ADGRG6: variants seen among roughly 807,000 people sequenced by gnomAD.
ADGRG6 encodes G-protein coupled receptor 126.
Under a neutral mutation model 142.4 loss-of-function variants are expected in ADGRG6, and 84 were observed. The ratio of observed to expected loss-of-function variants is 0.59; its 90% CI spans 0.49 to 0.71. ADGRG6 has a LOEUF of 0.71. ADGRG6 is among the 30% of genes least tolerant of loss of function. The probability of loss-of-function intolerance (pLI) is 0.00; values close to 1 mark genes in which losing one functional copy is unlikely to be tolerated. For synonymous variants in ADGRG6, 521 were observed against 520.5 expected (o/e 1.00, Z -0.01); for missense variants, 1,367 against 1,466.6 (o/e 0.93, Z 1.11).
rs368055709 is a variant in ADGRG6, at chr6:142,437,391, A to T, written c.3320-43A>T. ...TATTTTATAAGATTTCTCTTTAAAGATGTGTCAGTTGGCTTAAATATTTAT... is the reference window on the plus strand; with the variant it reads ...TATTTTATAAGATTTCTCTTTAAAGTTGTGTCAGTTGGCTTAAATATTTAT... On this transcript the variant is annotated intron_variant, in intron 22 of 24. Transcript: ENST00000367609. 5.8e-6 allele frequency: 5 copies of T among 868,698 alleles called. No individual in the cohort carries two copies. In the African/African-American group the frequency reaches 6.7e-5, roughly 12 times the overall value. The allele number at this position is 868,698 out of a possible 1,614,324, so 53.8% of individuals were successfully genotyped here. A position where few individuals can be genotyped will look rare whatever the true frequency, so the allele number is the denominator to read the frequency against.
chr6:142,338,235 C>T (rs989324271), intron 2 of ADGRG6, among the ~76,000 whole-genome samples: 1 of 150,736 alleles, frequency 6.6e-6, no homozygotes, highest in African/African-American at 2.4e-5. Context: ...GTCTCGATCT[C>T]CTGACCTCGT....
rs1485773311 is a variant in ADGRG6 at position 142,424,862 on chromosome 6, G to A, written c.3319+4758G>A. On this transcript the variant is annotated intron_variant, in intron 22 of 24. Transcript: ENST00000367609. ...TGCTCTATAGAAATTACCTTGTGAC[G>A]TTGAGAATGTGTTACAAAAAAACAT... Among the ~76,000 whole-genome samples, 8 of 152,184 alleles carry A rather than the reference G, an allele frequency of 5.3e-5. No individual in the cohort carries two copies. The South Asian group carries it at 8.3e-4, about 16-fold the overall frequency.
chr6:142,371,767 G>A (rs1050765448), intron 4 of ADGRG6, among the ~76,000 whole-genome samples: 3 of 152,130 alleles, frequency 2.0e-5, no homozygotes, highest in Non-Finnish European at 4.4e-5. Flanking sequence ...TTACAGGCAT[G>A]AGCCACCGTG....
chr6:142,302,495 C>T, intron 1 of ADGRG6, 164 bp downstream of exon 1: 1 of 672,832 alleles, frequency 1.5e-6, no homozygotes, highest in Non-Finnish European at 2.5e-6. Flanking sequence ...CCTCGAGGCA[C>T]TGAGGAGTAG....
chr6:142,313,467 C>T (rs933410366), intron 2 of ADGRG6, among the ~76,000 whole-genome samples: 3 of 152,134 alleles, frequency 2.0e-5, no homozygotes, highest in African/African-American at 7.2e-5. Flanking sequence ...TCGTCTTAGT[C>T]ATGAGCAGTG....
intron 1 of ADGRG6, among the ~76,000 whole-genome samples, chr6:142,306,512 A>G (rs775866242): frequency 1.4e-4 from 21 of 152,146 alleles, no homozygotes; most frequent in Non-Finnish European, 2.9e-5. Context: ...ATCTTGGGCA[A>G]GTAGTTTAGT....
rs115459615 is a variant in ADGRG6, at chr6:142,306,621, G to A, written c.3-2923G>A. Among the ~76,000 whole-genome samples, 826 of 152,116 alleles carry A rather than the reference G, an allele frequency of 5.4e-3. 6 individuals carry two copies. The highest frequency in any genetic ancestry group is 0.019 in the African/African-American group (790 of 41,524). On this transcript the variant is annotated intron_variant, in intron 1 of 24. Coordinates refer to ENST00000367609, the MANE Select transcript of ADGRG6 (RefSeq NM_198569.3). ...TATGACTGTCTTTTACTTAAAAAAT[G>A]TTCCTGCTGTCTTCAGTAGAACTTT...
chr6:142,438,446 A>G (rs1440046262), intron 24 of ADGRG6, 82 bp downstream of exon 24: 4 of 870,344 alleles, frequency 4.6e-6, no homozygotes, highest in Non-Finnish European at 5.3e-6. Context: ...TTGATAAATC[A>G]CAGTGCCTAA....
At chr6:142,312,272 A>G (rs963014243) in intron 2 of ADGRG6, among the ~76,000 whole-genome samples, 1 of 152,078 alleles carries the variant, frequency 6.6e-6, no homozygotes, top group African/African-American at 2.4e-5. Flanking sequence ...AATAACATCC[A>G]TAGTTTAATT....
chr6:142,316,438 A>AT (rs1778073653), intron 2 of ADGRG6, among the ~76,000 whole-genome samples: 1 of 152,172 alleles, frequency 6.6e-6, no homozygotes, highest in Admixed American at 6.5e-5. Context: ...TAATTTTTGC[A>AT]AACAGAAGGA....
chr6:142,397,499 T>C, intron 9 of ADGRG6, 114 bp from the exon 10 acceptor site: 2 of 853,778 alleles, frequency 2.3e-6, no homozygotes, highest in Non-Finnish European at 1.9e-6. Context: ...GGCTAATCTC[T>C]TCAGTCTCAA....
intron 2 of ADGRG6, among the ~76,000 whole-genome samples, chr6:142,349,327 G>C (rs1049296145): frequency 1.3e-5 from 2 of 152,230 alleles, no homozygotes; most frequent in African/African-American, 2.4e-5. Flanking sequence ...GAATGGGGCA[G>C]AGGAAGAAGT....
intron 2 of ADGRG6, among the ~76,000 whole-genome samples, chr6:142,325,647 T>C (rs975954775): frequency 1.8e-4 from 27 of 152,142 alleles, no homozygotes; most frequent in African/African-American, 5.5e-4. Flanking sequence ...TCAAAATACC[T>C]GTAACCATAG....
Position 142,404,879 on chromosome 6 carries a change from T to G in ADGRG6, c.2128-809T>G, listed in dbSNP as rs141563437. Among the ~76,000 whole-genome samples the G allele has an allele frequency of 9.5e-4, 144 of 152,266 alleles. 2 individuals carry two copies. The East Asian group carries it at 0.027, about 28-fold the overall frequency. On this transcript the variant is annotated intron_variant, in intron 14 of 24. Coordinates refer to ENST00000367609, the MANE Select transcript of ADGRG6 (RefSeq NM_198569.3). ...GCTGGACACATAAGCTGGGGCTGGA[T>G]TAATGGAGAACCTTTTCAACATGTT...
chr6:142,331,774 G>A (rs1199695045), intron 2 of ADGRG6, among the ~76,000 whole-genome samples: 2 of 152,000 alleles, frequency 1.3e-5, no homozygotes, highest in Non-Finnish European at 2.9e-5. Context: ...AGGAAAATAC[G>A]TGTCACTGCT....
At chr6:142,341,586 AATATT>A (rs1372644006) in intron 2 of ADGRG6, among the ~76,000 whole-genome samples, 1 of 122,652 alleles carries the variant, frequency 8.2e-6, no homozygotes, top group African/African-American at 3.4e-5. Flanking sequence ...TAGTATATAT[AATATT>A]ATATATTATA....
chr6:142,325,712 T>C (rs1778742268), intron 2 of ADGRG6, among the ~76,000 whole-genome samples: 1 of 152,112 alleles, frequency 6.6e-6, no homozygotes, highest in Non-Finnish European at 1.5e-5. Flanking sequence ...TTTACTAATT[T>C]ATCTGATATG....
chr6:142,365,962 AT>A (rs547626175), intron 2 of ADGRG6, among the ~76,000 whole-genome samples: 37 of 152,316 alleles, frequency 2.4e-4, no homozygotes, highest in African/African-American at 7.7e-4. Flanking sequence ...TTTCATTAAT[AT>A]TTTTTAAGTA....
intron 2 of ADGRG6, among the ~76,000 whole-genome samples, chr6:142,335,566 C>T (rs756440017): frequency 6.6e-6 from 1 of 152,068 alleles, no homozygotes; most frequent in Non-Finnish European, 1.5e-5. Context: ...TTGTCTTGTC[C>T]ACTGGTGTCC....
Sources: gnomAD v4.1 joint callset for allele counts (sites outside exome capture counted in the v4.1 genomes callset) on GRCh38, gnomAD v4.1.1 for gene constraint, MANE v1.5 for transcripts, NCBI Gene and HGNC (gene_info 2026-07-23, HGNC 2026-07-21) for gene names.